The following FYB1 variants were observed in gnomAD, a reference collection of about 807,000 sequenced individuals.
FYB1 encodes FYN-binding protein 1.
FYB1 carries 41 observed loss-of-function variants against 94.1 expected under a neutral mutation model. The observed-to-expected ratio is 0.44, with a 90% CI of 0.34 to 0.57. The LOEUF is 0.57. FYB1 is among the 20% of genes least tolerant of loss of function. The pLI is 0.02. For synonymous variants in FYB1, 367 were observed against 353.2 expected, an observed-to-expected ratio of 1.04 and a Z score of -0.44; for missense variants, 1,050 against 976.8, an observed-to-expected ratio of 1.07 and a Z score of -1.00.
chr5:39,254,340 C>T (rs946266635), intron 1 of FYB1, among the ~76,000 whole-genome samples: 1 of 152,194 alleles, frequency 6.6e-6, no homozygotes, highest in Non-Finnish European at 1.5e-5. Context: ...TTTTTCTCCA[C>T]AACCTAGCCA....
At chr5:39,121,316 G>C (rs1201896899) in intron 14 of FYB1, among the ~76,000 whole-genome samples, 1 of 151,804 alleles carries the variant, frequency 6.6e-6, no homozygotes, top group East Asian at 1.9e-4. Context: ...AAGGGCAACG[G>C]CTCTCTTTTC....
At chr5:39,252,217 G>C (rs1028594017) in intron 1 of FYB1, among the ~76,000 whole-genome samples, 2 of 151,872 alleles carry the variant, frequency 1.3e-5, no homozygotes, top group Admixed American at 1.3e-4. Flanking sequence ...TCAAAACAGA[G>C]TCATAATGTG....
intron 1 of FYB1, chr5:39,250,907 C>T (rs1171468045): frequency 6.6e-6 from 1 of 152,144 alleles, no homozygotes; most frequent in African/African-American, 2.4e-5. Context: ...TTCATACATA[C>T]AAATGTTTTA....
chr5:39,217,675 A>C (rs1275907970), intron 1 of FYB1, among the ~76,000 whole-genome samples: 2 of 152,126 alleles, frequency 1.3e-5, no homozygotes, highest in Admixed American at 1.3e-4. Flanking sequence ...GACCACCTTC[A>C]AGCTCAGGAT....
intron 2 of FYB1, chr5:39,170,068 A>C: frequency 1.2e-6 from 1 of 830,064 alleles, no homozygotes; most frequent in Non-Finnish European, 2.1e-6. Flanking sequence ...CCTAGATCTT[A>C]CTTTCACATT....
In FYB1 at chr5:39,219,526, C is replaced by T. The variant is rs1475760128; in HGVS notation, c.-111G>A. The T allele has an allele frequency of 2.0e-6, 2 of 985,358 alleles. No individual in the cohort carries two copies. The highest frequency in any genetic ancestry group is 3.5e-5 in the African/African-American group (2 of 57,260). The allele number at this position is 985,358 out of a possible 1,614,324, so 61.0% of individuals were successfully genotyped here. On this transcript the variant is annotated 5_prime_UTR_variant, in exon 1 of 19. Coordinates refer to ENST00000512982, the MANE Select transcript of FYB1 (RefSeq NM_001465.6). ...GGGTCTGGGCCCTACTCACTTCTAG[C>T]TGTCGCATCTGCTCTGCATGTGGAA...
intron 1 of FYB1, among the ~76,000 whole-genome samples, chr5:39,230,392 C>T (rs931189850): frequency 2.6e-5 from 4 of 152,192 alleles, no homozygotes; most frequent in South Asian, 2.1e-4. Context: ...ATGGAGCCTC[C>T]GCCAGAACCT....
intron 1 of FYB1, among the ~76,000 whole-genome samples, chr5:39,241,849 G>A (rs553603183): frequency 6.6e-6 from 1 of 150,996 alleles, no homozygotes; most frequent in African/African-American, 2.4e-5. Flanking sequence ...TTTTTTCCTG[G>A]AGGGCATCTT....
intron 2 of FYB1, among the ~76,000 whole-genome samples, chr5:39,176,137 G>GTTTTTT: frequency 3.2e-5 from 2 of 61,662 alleles, no homozygotes; most frequent in Non-Finnish European, 6.5e-5. Context: ...TTTTTTTTCT[G>GTTTTTT]TTTTTTTTTT....
intron 17 of FYB1, among the ~76,000 whole-genome samples, chr5:39,108,740 A>G (rs1279200703): frequency 2.6e-5 from 4 of 152,090 alleles, no homozygotes; most frequent in Non-Finnish European, 4.4e-5. Flanking sequence ...ATAATAAAAT[A>G]TATAAATATT....
Position 39,202,389 on chromosome 5 carries a change from G to T in FYB1, c.572C>A (p.Pro191His). The T allele has an allele frequency of 6.2e-7, 1 of 1,613,920 alleles. No homozygotes were observed. The highest frequency in any genetic ancestry group is 8.5e-7 in the Non-Finnish European group (1 of 1,179,880). The change falls in exon 2 of 19, where the codon CCC becomes CAC. Residue 191 changes from proline to histidine, a missense_variant. Transcript: ENST00000512982. ...GCCAAAGGCGGGTTTGGGGAAGAGG[G>T]GCTTGGGTTCAAGATCTTGTGATGC... ...MSASQDLEPK[P>H]LFPKPAFGQK...
At chr5:39,159,366 G>A (rs539810060) in intron 2 of FYB1, among the ~76,000 whole-genome samples, 1 of 152,262 alleles carries the variant, frequency 6.6e-6, no homozygotes, top group African/African-American at 2.4e-5. Context: ...GTCTGTATTG[G>A]TGAACTCTGC....
intron 1 of FYB1, among the ~76,000 whole-genome samples, chr5:39,211,726 C>T (rs972544832): frequency 1.3e-5 from 2 of 152,080 alleles, no homozygotes; most frequent in African/African-American, 2.4e-5. Context: ...GTTTGTCAAG[C>T]GAAAAATAGA....
chr5:39,247,078 A>G (rs1751508487), intron 1 of FYB1, among the ~76,000 whole-genome samples: 1 of 93,798 alleles, frequency 1.1e-5, no homozygotes, highest in African/African-American at 5.1e-5. Context: ...GTTCATATAT[A>G]TATATATATA....
intron 3 of FYB1, 77 bp from the exon 4 acceptor site, chr5:39,141,218 A>T: frequency 1.0e-6 from 1 of 961,434 alleles, no homozygotes; most frequent in Non-Finnish European, 1.6e-6. Context: ...GAAAAGGATT[A>T]TTTCATGAAT....
rs151175464 is a variant in FYB1 at position 39,216,363 on chromosome 5, C to T, written c.-28+3080G>A. Among the ~76,000 whole-genome samples, 7 of 152,162 alleles carry T rather than the reference C, an allele frequency of 4.6e-5. No homozygotes were observed. In the East Asian group the frequency reaches 5.8e-4, roughly 13 times the overall value. ...GTATGCATGTTGTTAAAATTCTACC[C>T]GCAGCTCCCTCCTTTGTTCACTCTT... On this transcript the variant is annotated intron_variant, in intron 1 of 18. Transcript: ENST00000512982.
rs769200246 is a variant in FYB1 at position 39,153,539 on chromosome 5, C to A, written c.1201G>T (p.Ala401Ser). 6 of 1,613,706 alleles carry A rather than the reference C, an allele frequency of 3.7e-6. No individual in the cohort carries two copies. The highest frequency in any genetic ancestry group is 2.2e-5 in the South Asian group (2 of 91,062). Reference protein sequence around the residue: ...SLPPPPPSHPASQPPLPASHP... With the variant: ...SLPPPPPSHPSSQPPLPASHP... ...GATGCTGGCAATGGTGGTTGGCTGG[C>A]CGGATGGGATGGTGGAGGTGGTGGC... Residue 401 changes from alanine (A) to serine (S), a missense_variant, in exon 3 of 19, where the codon GCC becomes TCC. Ala to Ser is a moderately conservative substitution (Grantham distance 99). Coordinates refer to ENST00000512982, the MANE Select transcript of FYB1 (RefSeq NM_001465.6).
At chr5:39,167,852 G>T (rs939013165) in intron 2 of FYB1, among the ~76,000 whole-genome samples, 4 of 152,180 alleles carry the variant, frequency 2.6e-5, no homozygotes, top group African/African-American at 9.7e-5. Flanking sequence ...GTCACTGGAC[G>T]TTTGTAATCA....
At chr5:39,193,320 A>C (rs961270035) in intron 2 of FYB1, among the ~76,000 whole-genome samples, 19 of 152,242 alleles carry the variant, frequency 1.2e-4, no homozygotes, top group Admixed American at 3.3e-4. Context: ...TTAAGTATTT[A>C]GTTGGTATTT....
Sources: gnomAD v4.1 joint callset for allele counts (sites outside exome capture counted in the v4.1 genomes callset) on GRCh38, gnomAD v4.1.1 for gene constraint, MANE v1.5 for transcripts, NCBI Gene and HGNC (gene_info 2026-07-23, HGNC 2026-07-21) for gene names.